The following PARP4 variants were observed in gnomAD, a reference collection of about 807,000 sequenced individuals.
PARP4 encodes protein mono-ADP-ribosyltransferase PARP4.
A neutral mutation model predicts 187.7 loss-of-function variants in PARP4; 120 were observed. The ratio of observed to expected loss-of-function variants is 0.64; its 90% CI spans 0.55 to 0.74. The LOEUF (loss-of-function observed/expected upper bound fraction) is 0.74. PARP4 is among the 30% of genes least tolerant of loss of function. The probability of loss-of-function intolerance (pLI) is 0.00; values close to 1 mark genes in which losing one functional copy is unlikely to be tolerated. For synonymous variants in PARP4, 654 were observed against 740.9 expected (o/e 0.88, Z 1.90); for missense variants, 1,836 against 2,070.5 (o/e 0.89, Z 2.20).
intron 32 of PARP4, among the ~76,000 whole-genome samples, chr13:24,428,210 G>A (rs1390002281): frequency 6.6e-6 from 1 of 152,202 alleles, no homozygotes; most frequent in Non-Finnish European, 1.5e-5. Flanking sequence ...AGGCACATCT[G>A]TGAAATCCCA....
chr13:24,501,568 T>G, intron 3 of PARP4, 65 bp downstream of exon 3: 1 of 1,110,034 alleles, frequency 9.0e-7, no homozygotes, highest in Non-Finnish European at 1.4e-6. Flanking sequence ...TATGGTATCT[T>G]TGACAAACCC....
intron 31 of PARP4, among the ~76,000 whole-genome samples, chr13:24,433,000 C>A (rs189247753): frequency 6.6e-6 from 1 of 152,184 alleles, no homozygotes; most frequent in African/African-American, 2.4e-5. Context: ...AGAAGTGGTA[C>A]CAGGTGCTGT....
At chr13:24,506,882 G>A (rs954317232) in intron 1 of PARP4, among the ~76,000 whole-genome samples, 2 of 152,330 alleles carry the variant, frequency 1.3e-5, no homozygotes, top group East Asian at 3.9e-4. Context: ...CGGGACGCTC[G>A]TGCTGCGCAG....
chr13:24,423,098 T>C (rs537070251), intron 33 of PARP4, among the ~76,000 whole-genome samples: 5 of 152,234 alleles, frequency 3.3e-5, no homozygotes, highest in Non-Finnish European at 7.3e-5. Flanking sequence ...TAATTGGCAA[T>C]GATCTAAATA....
chr13:24,491,979 G>A (rs1481459684), intron 9 of PARP4, among the ~76,000 whole-genome samples: 7 of 152,220 alleles, frequency 4.6e-5, no homozygotes, highest in South Asian at 2.1e-4. Context: ...TCTACAGGAA[G>A]TACAGAGGGA....
chr13:24,512,284 T>C (rs747126553), intron 1 of PARP4, among the ~76,000 whole-genome samples: 2 of 152,228 alleles, frequency 1.3e-5, no homozygotes, highest in Non-Finnish European at 2.9e-5. Flanking sequence ...CGAGGTCAGA[T>C]AGTACTTCCT....
rs1870559105 is a variant in PARP4 at position 24,435,156 on chromosome 13, G to A, written c.3985C>T (p.Pro1329Ser). The A allele has an allele frequency of 6.2e-7, 1 of 1,614,168 alleles. No individual in the cohort carries two copies. Among genetic ancestry groups the A allele is most frequent in the Non-Finnish European group, 8.5e-7 (1 of 1,180,020 alleles). ...LAPAVGSYLP[P>S]TARAHSPASL... is the part of the protein sequence containing the mutation. ...GCAGGACTGTGAGCGCGGGCAGTCG[G>A]GGGAAGATAGGAACCAACGGCCGGA... The change falls in exon 31 of 34, where the codon CCG (proline) becomes TCG (serine). Residue 1329 changes from proline to serine, a missense_variant. By Grantham distance (74) the Pro-to-Ser change is moderately conservative. Around this residue, in one of 8 missense-constraint regions of PARP4, gnomAD observed 450 missense variants for 439.2 expected, o/e 1.02. Coordinates refer to ENST00000381989, the MANE Select transcript of PARP4 (RefSeq NM_006437.4).
intron 32 of PARP4, among the ~76,000 whole-genome samples, chr13:24,427,678 T>C (rs1260212426): frequency 6.6e-6 from 1 of 152,200 alleles, no homozygotes; most frequent in East Asian, 1.9e-4. Context: ...TTTACATCGT[T>C]GAGGTAGCCA....
At chr13:24,484,785 C>A in intron 11 of PARP4, 37 bp from the exon 12 acceptor site, 2 of 1,296,858 alleles carry the variant, frequency 1.5e-6, no homozygotes, top group Non-Finnish European at 2.2e-6. Flanking sequence ...GTAAGCCCAA[C>A]ACTGACTGCA....
At chr13:24,458,197 C>T (rs1427062767) in intron 20 of PARP4, among the ~76,000 whole-genome samples, 6 of 151,650 alleles carry the variant, frequency 4.0e-5, no homozygotes, top group African/African-American at 1.5e-4. Context: ...GCAAGCTCCG[C>T]CTCCTGGGTT....
At chr13:24,487,945 T>C (rs1220944094) in intron 10 of PARP4, among the ~76,000 whole-genome samples, 1 of 152,242 alleles carries the variant, frequency 6.6e-6, no homozygotes, top group Non-Finnish European at 1.5e-5. Flanking sequence ...TTTCTTCATA[T>C]TTTTAGATAT....
At position 24,435,488 on chromosome 13, in the gene PARP4, A is replaced by G; in HGVS notation, c.3667-14T>C. 1 of 1,554,860 alleles carries G rather than the reference A, an allele frequency of 6.4e-7. No homozygotes were observed. Among genetic ancestry groups the G allele is most frequent in the Non-Finnish European group, 8.6e-7 (1 of 1,160,478 alleles). On this transcript the variant is annotated splice_polypyrimidine_tract_variant and intron_variant, in intron 30 of 33. Transcript: ENST00000381989. ...TGCTAAAAGAGACTGCCCAGAAGAC[A>G]GAATTATTAACGTAAGGGGAAAACA...
chr13:24,499,354 T>C lies in PARP4; in HGVS notation c.424A>G (p.Ile142Val). ...LTEFGMQNVE[I>V]PHLPQDFEVA... The stretch of plus-strand genomic sequence containing the variant: ...TCAAAATCTTGAGGAAGATGAGGAA[T>C]TTCAACATTCTGCATACCAAACCTG... Residue 142 changes from isoleucine to valine, a missense_variant, in exon 5 of 34, where the codon ATT becomes GTT. Physicochemically the swap from Ile to Val is conservative, Grantham distance 29 (BLOSUM62 3). Around this residue, in one of 8 missense-constraint regions of PARP4, gnomAD observed 1,147 missense variants for 1,214.2 expected, o/e 0.94. Coordinates refer to ENST00000381989, the MANE Select transcript of PARP4 (RefSeq NM_006437.4). 6.3e-7 allele frequency: 1 copy of C among 1,582,950 alleles called. No homozygotes were observed. The highest frequency in any genetic ancestry group is 1.2e-5 in the South Asian group (1 of 85,272).
rs35200240 is a variant in PARP4 at position 24,501,726 on chromosome 13, T to C, written c.241A>G (p.Ile81Val). ...IANPDFIWKSIREKRLLDVKN... is the reference protein window; with the variant it reads ...IANPDFIWKSVREKRLLDVKN... ...ACATCCAAGAGTCTCTTTTCCCTGA[T>C]AGATTTCCATATAAAATCTGGGTTT... Residue 81 changes from isoleucine (I) to valine (V), a missense_variant, in exon 3 of 34, where the codon ATC becomes GTC. Physicochemically the swap from Ile to Val is conservative, Grantham distance 29. This residue lies in a region of PARP4 where 1,147 missense variants were observed against 1,214.2 expected (regional missense o/e 0.94). Coordinates refer to ENST00000381989, the MANE Select transcript of PARP4 (RefSeq NM_006437.4). 0.042 allele frequency: 66,876 copies of C among 1,611,232 alleles called. 1,645 individuals are homozygous for C. Among genetic ancestry groups the C allele is most frequent in the Non-Finnish European group, 0.051 (59,661 of 1,177,352 alleles).
intron 1 of PARP4, among the ~76,000 whole-genome samples, chr13:24,512,501 G>C (rs1870070746): frequency 6.6e-6 from 1 of 152,192 alleles, no homozygotes; most frequent in Admixed American, 6.5e-5. Context: ...CCGCGGGGCA[G>C]AGCGGAACGA....
intron 15 of PARP4, among the ~76,000 whole-genome samples, chr13:24,474,221 G>A (rs1872866708): frequency 6.6e-6 from 1 of 152,064 alleles, no homozygotes; most frequent in Non-Finnish European, 1.5e-5. Context: ...AATCTGATTG[G>A]CTCTGCTCTC....
At chr13:24,451,657 C>T (rs1482280888) in intron 24 of PARP4, among the ~76,000 whole-genome samples, 1 of 147,818 alleles carries the variant, frequency 6.8e-6, no homozygotes, top group Admixed American at 6.7e-5. Context: ...TAGCTGGTGA[C>T]CACTTGCTGA....
At chr13:24,478,412 C>G (rs1013611848) in intron 12 of PARP4, 136 bp from the exon 13 acceptor site, 1 of 500,936 alleles carries the variant, frequency 2.0e-6, no homozygotes, top group African/African-American at 2.0e-5. Context: ...CAATTTAGAA[C>G]TTTATTATGC....
At chr13:24,511,584 A>G (rs1381309603) in intron 1 of PARP4, among the ~76,000 whole-genome samples, 1 of 152,208 alleles carries the variant, frequency 6.6e-6, no homozygotes, top group Admixed American at 6.5e-5. Flanking sequence ...AGGTGGAATC[A>G]AGTGGCTTCC....
Sources: gnomAD v4.1 joint callset for allele counts (sites outside exome capture counted in the v4.1 genomes callset) on GRCh38, gnomAD v4.1.1 for gene constraint, gnomAD v4.1.1 regional missense constraint, MANE v1.5 for transcripts, NCBI Gene and HGNC (gene_info 2026-07-23, HGNC 2026-07-21) for gene names.